MAP2K1: variants seen among roughly 807,000 people sequenced by gnomAD.
MAP2K1 encodes the protein mitogen-activated protein kinase kinase 1, also known as dual specificity mitogen-activated protein kinase kinase 1.
A neutral mutation model predicts 46.3 loss-of-function variants in MAP2K1; 16 were observed. The ratio of observed to expected loss-of-function variants is 0.35; its 90% CI spans 0.23 to 0.52. MAP2K1 has a LOEUF of 0.52. MAP2K1 is among the 20% of genes least tolerant of loss of function. The pLI is 0.94. For missense variants in MAP2K1, 263 were observed against 497.1 expected, an observed-to-expected ratio of 0.53 and a Z score of 4.48; for synonymous variants, 183 against 185.6, an observed-to-expected ratio of 0.99 and a Z score of 0.11.
At chr15:66,489,802 A>C in intron 10 of MAP2K1, 39 bp downstream of exon 10, 2 of 1,533,190 alleles carry the variant, frequency 1.3e-6, no homozygotes, top group Non-Finnish European at 1.8e-6. Context: ...GTACCTGTTT[A>C]TTCATTTGTT....
At chr15:66,450,013 T>C (rs1338630475) in intron 5 of MAP2K1, among the ~76,000 whole-genome samples, 3 of 130,850 alleles carry the variant, frequency 2.3e-5, no homozygotes, top group Non-Finnish European at 4.8e-5. Context: ...TAATCCAGCA[T>C]ATAAACAGAG....
chr15:66,449,003 C>CAA (rs59398424), intron 5 of MAP2K1, among the ~76,000 whole-genome samples: 7,213 of 47,752 alleles, frequency 0.15, 1,194 homozygotes, highest in African/African-American at 0.22. Flanking sequence ...GACACTGTCT[C>CAA]AAAAAAAAAA....
At chr15:66,468,402 A>G (rs1351215805) in intron 5 of MAP2K1, among the ~76,000 whole-genome samples, 1 of 152,214 alleles carries the variant, frequency 6.6e-6, no homozygotes, top group African/African-American at 2.4e-5. Flanking sequence ...AAAATCAGAT[A>G]GCAAAATTTA....
chr15:66,404,284 GGT>G (rs1457754836), intron 1 of MAP2K1, among the ~76,000 whole-genome samples: 4 of 152,138 alleles, frequency 2.6e-5, no homozygotes, highest in African/African-American at 9.7e-5. Context: ...CCAGGGAGGT[GGT>G]GGTTGCAGTG....
At chr15:66,420,511 C>T (rs1293441006) in intron 1 of MAP2K1, among the ~76,000 whole-genome samples, 5 of 151,666 alleles carry the variant, frequency 3.3e-5, no homozygotes, top group Non-Finnish European at 7.4e-5. Flanking sequence ...TGTGACTGCA[C>T]TGCTGCACTC....
intron 5 of MAP2K1, among the ~76,000 whole-genome samples, chr15:66,465,141 T>C (rs1301859825): frequency 6.6e-6 from 1 of 151,990 alleles, no homozygotes; most frequent in Non-Finnish European, 1.5e-5. Context: ...AGGAGAATCC[T>C]TGAAACTGGG....
rs1404781841 is a variant in MAP2K1 at position 66,424,153 on chromosome 15, G to A, written c.81-10874G>A. On this transcript the variant is annotated intron_variant, in intron 1 of 10. Coordinates refer to ENST00000307102, the MANE Select transcript of MAP2K1 (RefSeq NM_002755.4). Reference sequence around the variant, plus strand: ...GCTCACTGCAGCCTCTGCCTCCTGGGTTCAAATGACTCTCCTGTCTCAGCC... The same window carrying A: ...GCTCACTGCAGCCTCTGCCTCCTGGATTCAAATGACTCTCCTGTCTCAGCC... 4.0e-5 allele frequency among the ~76,000 whole-genome samples: 6 copies of A among 151,860 alleles called. No individual in the cohort carries two copies. In the East Asian group the frequency reaches 9.7e-4, roughly 25 times the overall value.
At chr15:66,454,008 T>C (rs1892101634) in intron 5 of MAP2K1, among the ~76,000 whole-genome samples, 1 of 152,230 alleles carries the variant, frequency 6.6e-6, no homozygotes, top group Non-Finnish European at 1.5e-5. Context: ...GCTCCAAAAC[T>C]TAGTAGTTTA....
At position 66,420,743 on chromosome 15, in the gene MAP2K1, G is replaced by A. The variant is rs1567002943; in HGVS notation, c.81-14284G>A. Among the ~76,000 whole-genome samples, 49 of 38,656 alleles carry A rather than the reference G, an allele frequency of 1.3e-3. 2 individuals are homozygous for A. The highest frequency in any genetic ancestry group is 1.9e-3 in the East Asian group (4 of 2,162). 25.4% of individuals were successfully genotyped at this position (38,656 alleles called of 152,430 possible). A position where few individuals can be genotyped will look rare whatever the true frequency, so the allele number is the denominator to read the frequency against. On this transcript the variant is annotated intron_variant, in intron 1 of 10. Transcript: ENST00000307102. ...TATATGTGTGTGTGTGTGTGTGTGT[G>A]TGTGTGTGTGTGTGTGTATGTGTGT...
chr15:66,449,036 A>AACC (rs1891961003), intron 5 of MAP2K1, among the ~76,000 whole-genome samples: 1 of 150,832 alleles, frequency 6.6e-6, no homozygotes, highest in African/African-American at 2.4e-5. Flanking sequence ...AAACAACAAC[A>AACC]ACCAAAAACA....
chr15:66,443,986 C>T (rs974101078), intron 4 of MAP2K1, among the ~76,000 whole-genome samples: 4 of 152,164 alleles, frequency 2.6e-5, no homozygotes, highest in African/African-American at 9.7e-5. Context: ...GCTTGTCATC[C>T]CAGCACTTTG....
intron 1 of MAP2K1, among the ~76,000 whole-genome samples, chr15:66,425,272 T>TG (rs1156808971): frequency 6.6e-6 from 1 of 152,258 alleles, no homozygotes; most frequent in African/African-American, 2.4e-5. Flanking sequence ...TGCTTTCTGT[T>TG]GGTGTTGAGC....
chr15:66,449,097 A>G (rs1286083503), intron 5 of MAP2K1, among the ~76,000 whole-genome samples: 1 of 151,936 alleles, frequency 6.6e-6, no homozygotes, highest in Admixed American at 6.6e-5. Flanking sequence ...ATTTCTTGTT[A>G]AATTATACCA....
chr15:66,396,162 C>T (rs1008301129), intron 1 of MAP2K1, among the ~76,000 whole-genome samples: 2 of 152,032 alleles, frequency 1.3e-5, no homozygotes, highest in African/African-American at 2.4e-5. Context: ...TGCGCCACCA[C>T]ATCTGGCTAA....
At chr15:66,426,445 A>T (rs145102100) in intron 1 of MAP2K1, among the ~76,000 whole-genome samples, 46 of 152,222 alleles carry the variant, frequency 3.0e-4, no homozygotes, top group Admixed American at 1.3e-3. Flanking sequence ...TACCTGTGAT[A>T]GGAAACACAT....
At chr15:66,411,973 C>T (rs2093412431) in intron 1 of MAP2K1, among the ~76,000 whole-genome samples, 1 of 152,176 alleles carries the variant, frequency 6.6e-6, no homozygotes, top group Non-Finnish European at 1.5e-5. Context: ...GGGCTCCAGA[C>T]CCTCTGACTT....
intron 1 of MAP2K1, among the ~76,000 whole-genome samples, chr15:66,403,642 C>T (rs2093388069): frequency 6.6e-6 from 1 of 151,976 alleles, no homozygotes; most frequent in Admixed American, 6.6e-5. Flanking sequence ...CACGTGGGTT[C>T]CAGATTCAGG....
At position 66,490,489 on chromosome 15, in the gene MAP2K1, T is replaced by C; in HGVS notation, c.1069-13T>C. On this transcript the variant is annotated splice_polypyrimidine_tract_variant and intron_variant, in intron 10 of 10. Transcript: ENST00000307102. ...CTTTTTAACACCACGTCCTCTCGTT[T>C]CCTTACATGCAGGTTCATGCTTTTA... The C allele has an allele frequency of 6.3e-7, 1 of 1,583,522 alleles. No homozygotes were observed. Among genetic ancestry groups the C allele is most frequent in the Non-Finnish European group, 8.7e-7 (1 of 1,152,140 alleles).
At chr15:66,389,572 GTTTTTTTTTT>G (rs375412152) in intron 1 of MAP2K1, among the ~76,000 whole-genome samples, 1 of 86,962 alleles carries the variant, frequency 1.1e-5, no homozygotes, top group Non-Finnish European at 2.2e-5. Context: ...CTCTGTTGTG[GTTTTTTTTTT>G]TTTTTTTTTT....
Sources: gnomAD v4.1 joint callset for allele counts (sites outside exome capture counted in the v4.1 genomes callset) on GRCh38, gnomAD v4.1.1 for gene constraint, MANE v1.5 for transcripts, NCBI Gene and HGNC (gene_info 2026-07-23, HGNC 2026-07-21) for gene names.